Variants in SULT1A2 observed in about 807,000 individuals in gnomAD.
SULT1A2 encodes sulfotransferase 1A2.
SULT1A2 carries 33 observed loss-of-function variants against 36.0 expected under a neutral mutation model. That is an observed-to-expected ratio of 0.92 (90% CI 0.69 to 1.22). The LOEUF (loss-of-function observed/expected upper bound fraction) is 1.22, where lower values mean the gene tolerates loss of function less well. SULT1A2 is among the 50% of genes most tolerant of loss of function. The probability of loss-of-function intolerance (pLI) is 0.00; values close to 1 mark genes in which losing one functional copy is unlikely to be tolerated. For missense variants in SULT1A2, 367 were observed against 383.2 expected (o/e 0.96, Z 0.35); for synonymous variants, 138 against 144.5 (o/e 0.96, Z 0.32).
In SULT1A2 at chr16:28,592,130, C is replaced by T; in HGVS notation, c.786G>A (p.Gly262=). The change falls in exon 8 of 8, where the codon GGG becomes GGA. Residue 262 remains glycine, a synonymous_variant. Transcript: ENST00000335715. The part of the protein sequence containing the change: ...ISPFMRKGMA[G]DWKTTFTVAQ... ...CCACGGTGAAGGTGGTCTTCCAGTC[C>T]CCAGCCATGCCTGGGGGAGGAAGGC... is the stretch of plus-strand genomic sequence containing the variant. 1 of 1,612,060 alleles carries T rather than the reference C, an allele frequency of 6.2e-7. No individual in the cohort carries two copies. The highest frequency in any genetic ancestry group is 8.5e-7 in the Non-Finnish European group (1 of 1,179,820).
At chr16:28,594,166 TC>T (rs1279270900) in intron 4 of SULT1A2, among the ~76,000 whole-genome samples, 30 of 151,944 alleles carry the variant, frequency 2.0e-4, no homozygotes, top group African/African-American at 7.0e-4. Context: ...CCTTGGGCTT[TC>T]TTTTTTCCTG....
At position 28,592,093 on chromosome 16, in the gene SULT1A2, G is replaced by A. The variant is rs376675029; in HGVS notation, c.823C>T (p.Arg275Cys). 2.6e-5 allele frequency: 42 copies of A among 1,612,068 alleles called. No homozygotes were observed. Among genetic ancestry groups the A allele is most frequent in the South Asian group, 1.9e-4 (17 of 90,996 alleles). Residue 275 changes from arginine (R) to cysteine (C), a missense_variant, in exon 8 of 8, where the codon CGC becomes TGC. Arg to Cys is a radical substitution (Grantham distance 180). Coordinates refer to ENST00000335715, the MANE Select transcript of SULT1A2 (RefSeq NM_001054.4). ...TTCTTCGCATAGTCCGCATCGAAGC[G>A]CTCATTCTGCGCCACGGTGAAGGTG... Reference protein sequence around the residue: ...KTTFTVAQNERFDADYAKKMA... With the variant: ...KTTFTVAQNECFDADYAKKMA...
intron 4 of SULT1A2, among the ~76,000 whole-genome samples, chr16:28,595,101 C>T (rs1313850263): frequency 2.0e-5 from 3 of 151,926 alleles, no homozygotes; most frequent in Non-Finnish European, 2.9e-5. Flanking sequence ...TTCTATTCAT[C>T]GTTTTTTGAG....
rs371745843 is a variant in SULT1A2 at position 28,592,087 on chromosome 16, C to G, written c.829G>C (p.Asp277His). The G allele has an allele frequency of 3.1e-6, 5 of 1,611,980 alleles. No homozygotes were observed. In the African/African-American group the frequency reaches 5.3e-5, roughly 17 times the overall value. The change falls in exon 8 of 8, where the codon GAT (aspartate) becomes CAT (histidine). Residue 277 changes from aspartate (D) to histidine (H), a missense_variant. Asp to His is a moderately conservative substitution (Grantham distance 81). Transcript: ENST00000335715. ...TFTVAQNERF[D>H]ADYAKKMAGC... is the part of the protein sequence containing the mutation. ...GCCATCTTCTTCGCATAGTCCGCAT[C>G]GAAGCGCTCATTCTGCGCCACGGTG...
intron 1 of SULT1A2, 23 bp from the exon 2 acceptor site, chr16:28,595,957 G>A (rs1459788829): frequency 6.2e-7 from 1 of 1,602,064 alleles, no homozygotes; most frequent in Non-Finnish European, 8.5e-7. Flanking sequence ...CCAGAGCCAG[G>A]CCCGTTCCCT....
intron 1 of SULT1A2, chr16:28,596,352 C>G (rs2047059764): frequency 8.8e-7 from 1 of 1,135,064 alleles, no homozygotes; most frequent in South Asian, 2.0e-5. Context: ...CCAGCCTCCA[C>G]CCAGTAGGCT....
At chr16:28,596,482 G>A (rs1191245339) in intron 1 of SULT1A2, 2 of 679,496 alleles carry the variant, frequency 2.9e-6, no homozygotes, top group Admixed American at 4.5e-5. Flanking sequence ...AGGACAAACA[G>A]CCCATTGAGC....
intron 4 of SULT1A2, among the ~76,000 whole-genome samples, chr16:28,594,239 C>T (rs1474785594): frequency 6.6e-6 from 1 of 152,002 alleles, no homozygotes; most frequent in African/African-American, 2.4e-5. Flanking sequence ...CTCCCAGGCT[C>T]AAGCAATCCT....
In SULT1A2 at chr16:28,593,545, T is replaced by G; in HGVS notation, c.396A>C (p.Ala132=). The G allele has an allele frequency of 6.2e-7, 1 of 1,614,148 alleles. No homozygotes were observed. The highest frequency in any genetic ancestry group is 1.1e-5 in the South Asian group (1 of 91,080). Residue 132 remains alanine (A), a synonymous_variant, in exon 5 of 8, where the codon GCA becomes GCC. Coordinates refer to ENST00000335715, the MANE Select transcript of SULT1A2 (RefSeq NM_001054.4). The part of the protein sequence containing the change: ...KVKVVYVARN[A]KDVAVSYYHF... Reference sequence around the variant, plus strand: ...GGTAGTAGGAAACCGCCACATCCTTTGCGTTGCGGGCAACATAGACCACCT... The same window carrying G: ...GGTAGTAGGAAACCGCCACATCCTTGGCGTTGCGGGCAACATAGACCACCT...
Position 28,592,383 on chromosome 16 carries a change from TCTC to T in SULT1A2, c.652_654del (p.Glu218del), listed in dbSNP as rs530020012. The T allele has an allele frequency of 4.8e-4, 778 of 1,614,054 alleles. No individual in the cohort carries two copies. Among genetic ancestry groups the T allele is most frequent in the Non-Finnish European group, 4.7e-4 (549 of 1,179,938 alleles). On this transcript the variant is annotated inframe_deletion, in exon 7 of 8. Transcript: ENST00000335715. ...GTGTGCTCAACCATGAGGTCCACAG[TCTC>T]CTCTGGCAGGGAGCGCCCCACAAAC...
intron 1 of SULT1A2, chr16:28,596,489 G>T: frequency 3.2e-6 from 2 of 617,846 alleles, no homozygotes; most frequent in African/African-American, 2.0e-5. Context: ...ACAGCCCATT[G>T]AGCAACTGAG....
At chr16:28,592,803 G>A (rs190899427) in intron 6 of SULT1A2, among the ~76,000 whole-genome samples, 5,731 of 152,280 alleles carry the variant, frequency 0.038, 228 homozygotes, top group East Asian at 0.2. Flanking sequence ...GCTGAGGCAG[G>A]CGGATCACCT....
Position 28,591,988 on chromosome 16 carries a change from G to A in SULT1A2, c.*40C>T, listed in dbSNP as rs376611966. On this transcript the variant is annotated 3_prime_UTR_variant, in exon 8 of 8. Transcript: ENST00000335715. ...ATTCTGGAGCCTCTTGGTCAGGCTT[G>A]ATTCGCACACTCCCTCTGCAGTGAC... 1.6e-5 allele frequency: 25 copies of A among 1,611,796 alleles called. No individual in the cohort carries two copies. The highest frequency in any genetic ancestry group is 2.7e-5 in the African/African-American group (2 of 74,886).
intron 4 of SULT1A2, 81 bp from the exon 5 acceptor site, chr16:28,593,649 G>A (rs2047025445): frequency 6.3e-7 from 1 of 1,592,112 alleles, no homozygotes. Context: ...TTTGGCAAAG[G>A]AGGAAGCTGA....
rs1241964954 is a variant in SULT1A2 at position 28,595,825 on chromosome 16, C to T, written c.106G>A (p.Ala36Thr). The T allele has an allele frequency of 1.1e-5, 17 of 1,612,044 alleles. No individual in the cohort carries two copies. Among genetic ancestry groups the T allele is most frequent in the East Asian group, 2.2e-5 (1 of 44,870 alleles). ...EALGPLQSFQ[A>T]RPDDLLISTY... ...CTGATGAGCAGGTCATCAGGCCGGG[C>T]CTGGAAGCTCTGCAGGGGCCCCAGT... Residue 36 changes from alanine to threonine, a missense_variant, in exon 2 of 8, where the codon GCC becomes ACC. Physicochemically the swap from Ala to Thr is moderately conservative, Grantham distance 58. Coordinates refer to ENST00000335715, the MANE Select transcript of SULT1A2 (RefSeq NM_001054.4).
intron 1 of SULT1A2, 153 bp downstream of exon 1, chr16:28,596,840 AAAAG>A (rs1338143586): frequency 4.6e-6 from 2 of 437,628 alleles, no homozygotes; most frequent in African/African-American, 4.3e-5. Context: ...GGAAAAAAAA[AAAAG>A]GAAGGGAGGG....
Position 28,593,336 on chromosome 16 carries a change from C to T in SULT1A2, c.510G>A (p.Gly170=), listed in dbSNP as rs140083881. The part of the protein sequence containing the change: ...EKFMAGEVSY[G]SWYQHVQEWW... The stretch of plus-strand genomic sequence containing the variant: ...ACTCTTGCACGTGCTGGTACCAGGA[C>T]CCATAGGACACTGGAGAAGCGGGCA... The change falls in exon 6 of 8, where the codon GGG becomes GGA. Residue 170 remains glycine, a synonymous_variant. Transcript: ENST00000335715. 78 of 1,614,174 alleles carry T rather than the reference C, an allele frequency of 4.8e-5. No homozygotes were observed. The African/African-American group carries it at 9.2e-4, about 19-fold the overall frequency.
At chr16:28,592,714 G>C (rs1224491893) in intron 6 of SULT1A2, among the ~76,000 whole-genome samples, 1 of 152,174 alleles carries the variant, frequency 6.6e-6, no homozygotes, top group Non-Finnish European at 1.5e-5. Context: ...ACCATTGGCA[G>C]GGAGAAGCAA....
Position 28,592,251 on chromosome 16 carries a change from G to A in SULT1A2, c.775+12C>T. The A allele has an allele frequency of 6.2e-7, 1 of 1,613,978 alleles. No homozygotes were observed. Among genetic ancestry groups the A allele is most frequent in the Non-Finnish European group, 8.5e-7 (1 of 1,179,870 alleles). On this transcript the variant is annotated intron_variant, in intron 7 of 7. Transcript: ENST00000335715. ...CCACCTGCTCCAAACCCCCGTGCTG[G>A]CCGGCACCTACCTTTCCTCATGAAG...
Sources: gnomAD v4.1 joint callset for allele counts (sites outside exome capture counted in the v4.1 genomes callset) on GRCh38, gnomAD v4.1.1 for gene constraint, MANE v1.5 for transcripts, NCBI Gene and HGNC (gene_info 2026-07-23, HGNC 2026-07-21) for gene names.